MBOAT2: variants seen among roughly 807,000 people sequenced by gnomAD.
MBOAT2 encodes the protein membrane bound glycerophospholipid O-acyltransferase 2.
MBOAT2 carries 28 observed loss-of-function variants against 63.4 expected under a neutral mutation model. The observed-to-expected ratio is 0.44, with a 90% CI of 0.33 to 0.61. The LOEUF (loss-of-function observed/expected upper bound fraction) is 0.61. Among genes scored for constraint, MBOAT2 ranks in the 20% least tolerant of loss-of-function variants. The pLI, the probability that MBOAT2 is intolerant of heterozygous loss-of-function variation, is 0.03. For synonymous variants in MBOAT2, 211 were observed against 215.6 expected (o/e 0.98, Z 0.19); for missense variants, 470 against 605.8 (o/e 0.78, Z 2.35).
At chr2:8,939,538 T>C (rs1456807908) in intron 3 of MBOAT2, among the ~76,000 whole-genome samples, 2 of 152,174 alleles carry the variant, frequency 1.3e-5, no homozygotes, top group Admixed American at 6.5e-5. Context: ...TCAGGACTTA[T>C]GGTGAAGCAG....
rs1160183409 is a variant in MBOAT2, at chr2:8,855,732, A to C, written c.*2947T>G. 6.6e-6 allele frequency: 1 copy of C among 152,200 alleles called. No homozygotes were observed. Among genetic ancestry groups the C allele is most frequent in the African/African-American group, 2.4e-5 (1 of 41,456 alleles). 9.4% of individuals were successfully genotyped at this position (152,200 alleles called of 1,614,324 possible). A position where few individuals can be genotyped will look rare whatever the true frequency, so the allele number is the denominator to read the frequency against. Reference sequence around the variant, plus strand: ...CTGAGGCATACCAAATTATACTCTTACTGTTTCAAGAAAATGAAATTGAAG... The same window carrying C: ...CTGAGGCATACCAAATTATACTCTTCCTGTTTCAAGAAAATGAAATTGAAG... On this transcript the variant is annotated 3_prime_UTR_variant, in exon 13 of 13. Coordinates refer to ENST00000305997, the MANE Select transcript of MBOAT2 (RefSeq NM_138799.4).
At chr2:8,886,136 G>A (rs1663532674) in intron 5 of MBOAT2, among the ~76,000 whole-genome samples, 1 of 152,242 alleles carries the variant, frequency 6.6e-6, no homozygotes, top group Non-Finnish European at 1.5e-5. Context: ...CCAGCCCCCA[G>A]TAAAAACTTT....
In MBOAT2 at chr2:8,864,637, C is replaced by T. The variant is rs190475043; in HGVS notation, c.988-403G>A. Among the ~76,000 whole-genome samples the T allele has an allele frequency of 1.1e-4, 16 of 152,016 alleles. No homozygotes were observed. In the East Asian group the frequency reaches 1.6e-3, roughly 15 times the overall value. ...GGTCCTGGGTGAAGCAGACATCCAC[C>T]GCGACATCCTGCCCTGCCATCGTCT... On this transcript the variant is annotated intron_variant, in intron 9 of 12. Coordinates refer to ENST00000305997, the MANE Select transcript of MBOAT2 (RefSeq NM_138799.4).
chr2:8,934,469 G>T (rs1667526138), intron 3 of MBOAT2, among the ~76,000 whole-genome samples: 1 of 152,148 alleles, frequency 6.6e-6, no homozygotes, highest in Non-Finnish European at 1.5e-5. Context: ...ACACAAACCT[G>T]TAAGTGCTGT....
At chr2:8,953,629 C>CA (rs1558651872) in intron 2 of MBOAT2, among the ~76,000 whole-genome samples, 2 of 152,070 alleles carry the variant, frequency 1.3e-5, no homozygotes, top group African/African-American at 4.8e-5. Context: ...AGATTTTGTT[C>CA]ATTTATTAAA....
In MBOAT2 at chr2:8,991,210, C is replaced by T. The variant is rs148575890; in HGVS notation, c.75+12330G>A. Reference sequence around the variant, plus strand: ...AATCAATATACACTTTCTAGAAAAACGAAAAACTGACAGGGACTTATCAAG... The same window carrying T: ...AATCAATATACACTTTCTAGAAAAATGAAAAACTGACAGGGACTTATCAAG... On this transcript the variant is annotated intron_variant, in intron 1 of 12. Coordinates refer to ENST00000305997, the MANE Select transcript of MBOAT2 (RefSeq NM_138799.4). 2.5e-3 allele frequency among the ~76,000 whole-genome samples: 386 copies of T among 152,136 alleles called. 5 individuals are homozygous for T. Among genetic ancestry groups the T allele is most frequent in the African/African-American group, 7.8e-3 (325 of 41,522 alleles).
chr2:8,946,076 C>T (rs1668395077), intron 2 of MBOAT2, among the ~76,000 whole-genome samples: 1 of 152,214 alleles, frequency 6.6e-6, no homozygotes. Flanking sequence ...CAATCTGCAT[C>T]ACTCTGGATG....
At chr2:8,912,389 A>AAG (rs1329066641) in intron 3 of MBOAT2, among the ~76,000 whole-genome samples, 185 of 148,480 alleles carry the variant, frequency 1.2e-3, no homozygotes, top group East Asian at 5.8e-3. Flanking sequence ...GAAAGAAAGA[A>AAG]AGAAAGAAAG....
intron 1 of MBOAT2, among the ~76,000 whole-genome samples, chr2:8,963,675 T>C (rs1043764640): frequency 1.2e-4 from 19 of 152,236 alleles, no homozygotes; most frequent in African/African-American, 3.1e-4. Flanking sequence ...TATTTTGATA[T>C]GGAAGATTAC....
In MBOAT2 at chr2:8,862,950, A is replaced by G. The variant is rs971090794; in HGVS notation, c.1053-228T>C. The stretch of plus-strand genomic sequence containing the variant: ...TCATCTTCTTATTGGTATATATAGT[A>G]TATATATTGGTATATATAGTAACTT... On this transcript the variant is annotated intron_variant, in intron 10 of 12. Transcript: ENST00000305997. The surrounding 1 kb of genome is among the most constrained non-coding windows in gnomAD (Gnocchi z 4.3). Among the ~76,000 whole-genome samples, 2 of 151,088 alleles carry G rather than the reference A, an allele frequency of 1.3e-5. No individual in the cohort carries two copies. The highest frequency in any genetic ancestry group is 4.8e-5 in the African/African-American group (2 of 41,354).
At chr2:8,878,022 T>C (rs1433822231) in intron 6 of MBOAT2, among the ~76,000 whole-genome samples, 1 of 152,196 alleles carries the variant, frequency 6.6e-6, no homozygotes, top group Admixed American at 6.5e-5. Context: ...TTAAAAGATC[T>C]GTCTCAATGC....
chr2:8,880,936 C>T (rs144731901), intron 6 of MBOAT2, among the ~76,000 whole-genome samples: 1 of 152,180 alleles, frequency 6.6e-6, no homozygotes, highest in Admixed American at 6.5e-5. Flanking sequence ...AGGGGAGACA[C>T]TGAATGTCGA....
intron 1 of MBOAT2, among the ~76,000 whole-genome samples, chr2:8,980,130 T>C (rs1277403574): frequency 6.6e-6 from 1 of 152,174 alleles, no homozygotes; most frequent in East Asian, 1.9e-4. Context: ...ATTAAAGTAG[T>C]CAAGTTTGTG....
intron 1 of MBOAT2, chr2:8,974,537 C>A (rs1670683239): frequency 4.9e-6 from 2 of 407,696 alleles, no homozygotes; most frequent in South Asian, 3.5e-5. Context: ...AGCATGCTAT[C>A]TCTGTATTTC....
At chr2:8,922,548 T>G (rs188150906) in intron 3 of MBOAT2, among the ~76,000 whole-genome samples, 3 of 152,224 alleles carry the variant, frequency 2.0e-5, no homozygotes, top group African/African-American at 7.2e-5. Context: ...ATGTCTCTAC[T>G]CAGTTTTTTA....
intron 8 of MBOAT2, 114 bp downstream of exon 8, chr2:8,872,994 A>C (rs556088506): frequency 1.1e-6 from 1 of 885,276 alleles, no homozygotes; most frequent in African/African-American, 1.7e-5. Flanking sequence ...CAGATGACTT[A>C]ATTTTTCCAA....
intron 1 of MBOAT2, among the ~76,000 whole-genome samples, chr2:8,962,747 T>C (rs1280479404): frequency 1.3e-5 from 2 of 151,878 alleles, no homozygotes; most frequent in African/African-American, 2.4e-5. Flanking sequence ...TAATTTAATA[T>C]AAATTTTATA....
chr2:8,879,162 A>G (rs1662925142), intron 6 of MBOAT2, among the ~76,000 whole-genome samples: 1 of 151,808 alleles, frequency 6.6e-6, no homozygotes, highest in East Asian at 1.9e-4. Context: ...TTTCTGGCAG[A>G]TTTTCTCTTT....
intron 3 of MBOAT2, among the ~76,000 whole-genome samples, chr2:8,909,111 A>T (rs962846383): frequency 3.9e-5 from 6 of 152,330 alleles, no homozygotes; most frequent in African/African-American, 9.6e-5. Flanking sequence ...TTTGAAAAAA[A>T]CCTGTCCTCG....
Sources: gnomAD v4.1 joint callset for allele counts (sites outside exome capture counted in the v4.1 genomes callset) on GRCh38, gnomAD v4.1.1 for gene constraint, Gnocchi (gnomAD v3.1) non-coding constraint, MANE v1.5 for transcripts, NCBI Gene and HGNC (gene_info 2026-07-23, HGNC 2026-07-21) for gene names.